Variants in ATP9B observed in about 807,000 individuals in gnomAD.
ATP9B encodes ATPase phospholipid transporting 9B, also known as probable phospholipid-transporting ATPase IIB.
In ATP9B, 110 loss-of-function variants were observed where a neutral mutation model predicts 146.1. The ratio of observed to expected loss-of-function variants is 0.75; its 90% CI spans 0.65 to 0.88. The LOEUF is 0.88. Among genes scored for constraint, ATP9B ranks in the 40% least tolerant of loss-of-function variants. The pLI, the probability that ATP9B is intolerant of heterozygous loss-of-function variation, is 0.00. For missense variants in ATP9B, 1,499 were observed against 1,496.4 expected, an observed-to-expected ratio of 1.00 and a Z score of -0.03; for synonymous variants, 604 against 569.7, an observed-to-expected ratio of 1.06 and a Z score of -0.86.
chr18:79,155,670 G>A (rs2094764330), intron 7 of ATP9B, among the ~76,000 whole-genome samples: 1 of 150,380 alleles, frequency 6.6e-6, no homozygotes, highest in African/African-American at 2.4e-5. Flanking sequence ...AGATTTCAGA[G>A]TTGTTGATTT....
At chr18:79,091,486 G>C (rs2074311695) in intron 1 of ATP9B, among the ~76,000 whole-genome samples, 1 of 152,124 alleles carries the variant, frequency 6.6e-6, no homozygotes, top group African/African-American at 2.4e-5. Flanking sequence ...TCATCATAGA[G>C]ATCTTTCACT....
intron 4 of ATP9B, among the ~76,000 whole-genome samples, chr18:79,121,402 T>TTCTAG (rs1208785188): frequency 6.6e-6 from 1 of 152,174 alleles, no homozygotes; most frequent in Non-Finnish European, 1.5e-5. Context: ...GGAGCAGTGT[T>TTCTAG]ATAGCATAAA....
At chr18:79,266,968 AT>A (rs566929109) in intron 12 of ATP9B, among the ~76,000 whole-genome samples, 27 of 151,378 alleles carry the variant, frequency 1.8e-4, no homozygotes, top group East Asian at 1.2e-3. Context: ...TCATAAAAAT[AT>A]TTTTTTTTCT....
intron 2 of ATP9B, among the ~76,000 whole-genome samples, chr18:79,099,941 A>G (rs1047694473): frequency 3.3e-5 from 5 of 152,150 alleles, no homozygotes; most frequent in Admixed American, 1.3e-4. Context: ...CCTGGCCAAC[A>G]CAGTGAAACC....
chr18:79,285,807 AAG>A (rs571433856), intron 13 of ATP9B, among the ~76,000 whole-genome samples: 225 of 152,292 alleles, frequency 1.5e-3, no homozygotes, highest in Non-Finnish European at 2.5e-3. Flanking sequence ...AGGTGTAAGA[AAG>A]GGATCCAGTT....
chr18:79,098,546 A>G (rs576730299), intron 2 of ATP9B, among the ~76,000 whole-genome samples: 1 of 151,764 alleles, frequency 6.6e-6, no homozygotes, highest in Non-Finnish European at 1.5e-5. Context: ...GAAGAAAACA[A>G]ACAACCCCAT....
chr18:79,209,168 G>A, intron 10 of ATP9B, among the ~76,000 whole-genome samples: 1 of 152,224 alleles, frequency 6.6e-6, no homozygotes, highest in East Asian at 1.9e-4. Flanking sequence ...GAGTCCAGCT[G>A]TGCATTCCCT....
rs568223747 is a variant in ATP9B at position 79,219,910 on chromosome 18, C to G, written c.1107+5872C>G. Among the ~76,000 whole-genome samples the G allele has an allele frequency of 5.9e-5, 9 of 152,308 alleles. No individual in the cohort carries two copies. In the South Asian group the frequency reaches 1.2e-3, roughly 21 times the overall value. On this transcript the variant is annotated intron_variant, in intron 11 of 29. Coordinates refer to ENST00000426216, the MANE Select transcript of ATP9B (RefSeq NM_198531.5). ...TTGAAGGGCTCAAGAAGACGAGAGC[C>G]TAACAATTTAGGCTCATACATTGTT...
intron 1 of ATP9B, among the ~76,000 whole-genome samples, chr18:79,070,752 A>G (rs1364279073): frequency 1.3e-5 from 2 of 151,852 alleles, no homozygotes; most frequent in African/African-American, 4.8e-5. Context: ...TTTCATTGTT[A>G]ATGTTCCTCT....
intron 17 of ATP9B, among the ~76,000 whole-genome samples, chr18:79,334,970 GGAA>G (rs1476367015): frequency 6.6e-6 from 1 of 152,204 alleles, no homozygotes; most frequent in East Asian, 1.9e-4. Context: ...CTGCCTTGCA[GGAA>G]CACGTGCCCT....
Position 79,377,638 on chromosome 18 carries a change from C to G in ATP9B, c.*255C>G. ...TCCCTCTCAGTGCGAGGCTTCACCC[C>G]TGCCAGGCAAGCCCAGGGCATAGAT... On this transcript the variant is annotated 3_prime_UTR_variant, in exon 30 of 30. Coordinates refer to ENST00000426216, the MANE Select transcript of ATP9B (RefSeq NM_198531.5). 1 of 504,606 alleles carries G rather than the reference C, an allele frequency of 2.0e-6. No homozygotes were observed. The highest frequency in any genetic ancestry group is 2.4e-5 in the South Asian group (1 of 42,098). 31.3% of individuals were successfully genotyped at this position (504,606 alleles called of 1,614,324 possible).
At chr18:79,367,716 G>T (rs2097042731) in intron 26 of ATP9B, among the ~76,000 whole-genome samples, 2 of 152,266 alleles carry the variant, frequency 1.3e-5, no homozygotes, top group Admixed American at 6.5e-5. Context: ...CATCACCAGG[G>T]ATGAGAGAGG....
At chr18:79,348,299 C>T in intron 25 of ATP9B, 103 bp downstream of exon 25, 4 of 1,112,504 alleles carry the variant, frequency 3.6e-6, no homozygotes, top group African/African-American at 1.6e-5. Context: ...ATTCTTGATA[C>T]AGTCATCATT....
chr18:79,155,899 ACTACAGGC>A lies in ATP9B; in HGVS notation c.778+1345_778+1352del, dbSNP rs1319299326. Among the ~76,000 whole-genome samples the A allele has an allele frequency of 1.0e-3, 155 of 151,406 alleles. 1 individual carries two copies. Among genetic ancestry groups the A allele is most frequent in the African/African-American group, 4.1e-4 (17 of 41,256 alleles). ...TGCCTCAGCCTCCCGGGTAGCTGGG[ACTACAGGC>A]GCCCACCACCATGCCCGGCTAATTT... On this transcript the variant is annotated intron_variant, in intron 7 of 29. Coordinates refer to ENST00000426216, the MANE Select transcript of ATP9B (RefSeq NM_198531.5).
chr18:79,282,477 A>G (rs1261410360), intron 13 of ATP9B, among the ~76,000 whole-genome samples: 1 of 152,220 alleles, frequency 6.6e-6, no homozygotes, highest in Non-Finnish European at 1.5e-5. Flanking sequence ...GCAGCCGTCA[A>G]CATTAAGACA....
chr18:79,320,746 G>A (rs375533075), intron 15 of ATP9B, among the ~76,000 whole-genome samples: 2 of 151,686 alleles, frequency 1.3e-5, no homozygotes, highest in South Asian at 2.1e-4. Flanking sequence ...CCACTTCCTC[G>A]GGATGCTGTG....
intron 11 of ATP9B, among the ~76,000 whole-genome samples, chr18:79,244,434 AT>A (rs974681255): frequency 7.3e-5 from 11 of 150,572 alleles, no homozygotes; most frequent in Middle Eastern, 3.4e-3. Context: ...GCATCAACTA[AT>A]TTTTTTTTTA....
chr18:79,250,692 G>A (rs2096013827), intron 11 of ATP9B, among the ~76,000 whole-genome samples: 1 of 152,242 alleles, frequency 6.6e-6, no homozygotes, highest in Admixed American at 6.5e-5. Context: ...AAATAGAGCT[G>A]ATAAATCAGC....
chr18:79,348,368 A>G (rs1436018819), intron 25 of ATP9B, among the ~76,000 whole-genome samples, 172 bp downstream of exon 25: 1 of 152,152 alleles, frequency 6.6e-6, no homozygotes, highest in African/African-American at 2.4e-5. Flanking sequence ...TCAAGACAGC[A>G]CCTGCACACT....
Sources: gnomAD v4.1 joint callset for allele counts (sites outside exome capture counted in the v4.1 genomes callset) on GRCh38, gnomAD v4.1.1 for gene constraint, MANE v1.5 for transcripts, NCBI Gene and HGNC (gene_info 2026-07-23, HGNC 2026-07-21) for gene names.